SOX5: variants seen among roughly 807,000 people sequenced by gnomAD.
The protein encoded by SOX5 is transcription factor SOX-5.
A neutral mutation model predicts 92.0 loss-of-function variants in SOX5; 9 were observed. The observed-to-expected ratio is 0.10, with a 90% CI of 0.06 to 0.17. SOX5 has a LOEUF of 0.17. Ranked by LOEUF, SOX5 falls within the 10% of genes least tolerant of loss-of-function variation. SOX5 has a pLI of 1.00. For missense variants in SOX5, 642 were observed against 944.5 expected (o/e 0.68, Z 4.20); for synonymous variants, 344 against 336.3 (o/e 1.02, Z -0.25).
chr12:23,678,670 A>G (rs921349164), intron 6 of SOX5, among the ~76,000 whole-genome samples: 3 of 152,054 alleles, frequency 2.0e-5, no homozygotes, highest in Admixed American at 2.0e-4. Context: ...GCACAATTCT[A>G]TCTTTACTCT....
At chr12:23,659,810 T>C (rs529822495) in intron 7 of SOX5, among the ~76,000 whole-genome samples, 1 of 151,962 alleles carries the variant, frequency 6.6e-6, no homozygotes, top group Admixed American at 6.6e-5. Context: ...CTACTAAAAA[T>C]ACAAAAATTA....
intron 4 of SOX5, among the ~76,000 whole-genome samples, chr12:24,140,156 T>C (rs1375486000): frequency 6.6e-6 from 1 of 152,138 alleles, no homozygotes; most frequent in Admixed American, 6.5e-5. Flanking sequence ...TCCAAAGTAA[T>C]GGATTAATAG....
chr12:23,805,942 G>T (rs772770957), intron 3 of SOX5, among the ~76,000 whole-genome samples: 1 of 152,104 alleles, frequency 6.6e-6, no homozygotes, highest in Non-Finnish European at 1.5e-5. Flanking sequence ...TCTTCTAGGG[G>T]TAGTGCAGAT....
chr12:23,578,710 T>G (rs901229117), intron 9 of SOX5, among the ~76,000 whole-genome samples: 1 of 152,180 alleles, frequency 6.6e-6, no homozygotes, highest in African/African-American at 2.4e-5. Context: ...AGCCTAAATG[T>G]CCTGACTGTC....
At chr12:24,528,408 G>A (rs934594496) in intron 1 of SOX5, among the ~76,000 whole-genome samples, 6 of 152,228 alleles carry the variant, frequency 3.9e-5, no homozygotes, top group South Asian at 2.1e-4. Flanking sequence ...TAATAATTAG[G>A]AGCAGGGTGA....
At chr12:24,117,409 CAA>C (rs1040245180) in intron 4 of SOX5, among the ~76,000 whole-genome samples, 1 of 151,854 alleles carries the variant, frequency 6.6e-6, no homozygotes, top group African/African-American at 2.4e-5. Context: ...GGAGGTTCCT[CAA>C]AAAAACTAAA....
chr12:23,951,049 C>A, upstream of SOX5: 1 of 571,052 alleles, frequency 1.8e-6, no homozygotes, highest in Non-Finnish European at 3.1e-6. Context: ...GTTCATTCTG[C>A]ACAAAAGGCT....
intron 1 of SOX5, among the ~76,000 whole-genome samples, chr12:23,925,002 C>T (rs1031388242): frequency 1.3e-5 from 2 of 151,838 alleles, no homozygotes; most frequent in African/African-American, 4.8e-5. Context: ...ACGAGAAACA[C>T]CCAAGAATGA....
At chr12:23,669,424 G>A (rs1307494950) in intron 6 of SOX5, among the ~76,000 whole-genome samples, 1 of 152,050 alleles carries the variant, frequency 6.6e-6, no homozygotes, top group Non-Finnish European at 1.5e-5. Flanking sequence ...GAAGAAAGCA[G>A]TGGTGAGAGG....
chr12:23,881,874 G>A (rs187326480), intron 2 of SOX5, among the ~76,000 whole-genome samples: 4 of 152,110 alleles, frequency 2.6e-5, no homozygotes, highest in Admixed American at 2.6e-4. Flanking sequence ...ATGAAAAAGG[G>A]GGGGAAACAT....
At chr12:23,923,643 C>A (rs962943088) in intron 1 of SOX5, among the ~76,000 whole-genome samples, 4 of 152,038 alleles carry the variant, frequency 2.6e-5, no homozygotes, top group African/African-American at 9.7e-5. Flanking sequence ...GCTCAAAGAA[C>A]AATACTTTTT....
At chr12:23,592,389 T>C (rs1420673919) in intron 9 of SOX5, among the ~76,000 whole-genome samples, 1 of 152,194 alleles carries the variant, frequency 6.6e-6, no homozygotes, top group African/African-American at 2.4e-5. Context: ...CCCAATGGAA[T>C]CAGCTAGTTC....
At chr12:24,308,637 A>T (rs1024089831) in intron 2 of SOX5, among the ~76,000 whole-genome samples, 2 of 152,238 alleles carry the variant, frequency 1.3e-5, no homozygotes, top group African/African-American at 2.4e-5. Flanking sequence ...CACAACATCT[A>T]GCACATTACC....
chr12:23,559,021 GAC>G (rs565730101), intron 11 of SOX5, among the ~76,000 whole-genome samples: 528 of 152,352 alleles, frequency 3.5e-3, no homozygotes, highest in Non-Finnish European at 4.9e-3. Context: ...TGGAGTGAGT[GAC>G]ACAAACGGAA....
chr12:23,893,355 A>G (rs2097147624), intron 2 of SOX5, among the ~76,000 whole-genome samples: 1 of 152,114 alleles, frequency 6.6e-6, no homozygotes, highest in African/African-American at 2.4e-5. Flanking sequence ...CTGAGGCAGG[A>G]GAACTGCTTA....
intron 3 of SOX5, among the ~76,000 whole-genome samples, chr12:23,777,713 C>T (rs1162795725): frequency 6.6e-6 from 1 of 151,576 alleles, no homozygotes; most frequent in Non-Finnish European, 1.5e-5. Flanking sequence ...TCACACTATA[C>T]AAACATTTAA....
intron 4 of SOX5, among the ~76,000 whole-genome samples, chr12:24,081,769 T>C (rs955067318): frequency 6.6e-6 from 1 of 151,982 alleles, no homozygotes; most frequent in East Asian, 1.9e-4. Flanking sequence ...CTGTACCGAA[T>C]TGAGGTCACT....
chr12:23,962,703 T>C (rs144788133), intron 4 of SOX5, among the ~76,000 whole-genome samples: 7 of 152,326 alleles, frequency 4.6e-5, no homozygotes, highest in Admixed American at 4.6e-4. Context: ...GCTATTTTGA[T>C]TGCATTTAAA....
intron 1 of SOX5, among the ~76,000 whole-genome samples, chr12:24,387,109 C>A (rs1026101905): frequency 5.9e-5 from 9 of 152,172 alleles, no homozygotes; most frequent in Admixed American, 4.6e-4. Context: ...AGTAGAAGTA[C>A]CAATTTTAGA....
Sources: gnomAD v4.1 joint callset for allele counts (sites outside exome capture counted in the v4.1 genomes callset) on GRCh38, gnomAD v4.1.1 for gene constraint, MANE v1.5 for transcripts, NCBI Gene and HGNC (gene_info 2026-07-23, HGNC 2026-07-21) for gene names.